The following PRDM1 variants were observed in gnomAD, a reference collection of about 807,000 sequenced individuals.
PRDM1 encodes PR domain zinc finger protein 1.
A neutral mutation model predicts 62.8 loss-of-function variants in PRDM1; 13 were observed. The ratio of observed to expected loss-of-function variants is 0.21; its 90% CI spans 0.13 to 0.33. The LOEUF is 0.33. Among genes scored for constraint, PRDM1 ranks in the 10% least tolerant of loss-of-function variants. PRDM1 has a pLI of 1.00. For synonymous variants in PRDM1, 396 were observed against 417.6 expected (o/e 0.95, Z 0.63); for missense variants, 895 against 1,058.8 (o/e 0.85, Z 2.15).
In PRDM1 at chr6:106,099,397, A is replaced by T; in HGVS notation, c.509A>T (p.Glu170Val). The change falls in exon 4 of 7, where the codon GAG (glutamate) becomes GTG (valine). Residue 170 changes from glutamate to valine, a missense_variant. This residue lies in a region of PRDM1 where 213 missense variants were observed against 283.9 expected (regional missense o/e 0.75). Coordinates refer to ENST00000369096, the MANE Select transcript of PRDM1 (RefSeq NM_001198.4). ...RYVNPAHSPR[E>V]QNLAACQNGM... ...GTGAATCCAGCACACTCTCCCCGGG[A>T]GCAAAACCTGGCTGCGTGTCAGAAC... 1 of 1,614,170 alleles carries T rather than the reference A, an allele frequency of 6.2e-7. No homozygotes were observed. The highest frequency in any genetic ancestry group is 8.5e-7 in the Non-Finnish European group (1 of 1,180,032).
intron 2 of PRDM1, among the ~76,000 whole-genome samples, chr6:106,090,007 C>T (rs866149304): frequency 5.3e-5 from 8 of 152,140 alleles, no homozygotes; most frequent in Non-Finnish European, 7.3e-5. Context: ...TTTCAATTTC[C>T]GTCATTCTCC....
In PRDM1 at chr6:106,106,037, C is replaced by T; in HGVS notation, c.1773+104C>T. The T allele has an allele frequency of 1.4e-6, 2 of 1,469,068 alleles. No individual in the cohort carries two copies. Among genetic ancestry groups the T allele is most frequent in the Non-Finnish European group, 9.1e-7 (1 of 1,103,014 alleles). 91.0% of individuals were successfully genotyped at this position (1,469,068 alleles called of 1,614,324 possible). A position where few individuals can be genotyped will look rare whatever the true frequency, so the allele number is the denominator to read the frequency against. ...TCGATTGCATTTGCAGTAGTATGAG[C>T]CCCCGGTTGGGGATAGTGGGTATGG... On this transcript the variant is annotated intron_variant, in intron 5 of 6. Coordinates refer to ENST00000369096, the MANE Select transcript of PRDM1 (RefSeq NM_001198.4). The surrounding 1 kb of genome is among the most constrained non-coding windows in gnomAD (Gnocchi z 4.4).
chr6:106,052,697 G>A (rs546925504), intron 1 of PRDM1, among the ~76,000 whole-genome samples: 5 of 152,212 alleles, frequency 3.3e-5, no homozygotes, highest in Admixed American at 2.6e-4. Flanking sequence ...CATGCCGGGC[G>A]TGGGGTGGCT....
intron 1 of PRDM1, among the ~76,000 whole-genome samples, chr6:106,069,261 T>C (rs1383159555): frequency 6.6e-6 from 1 of 152,080 alleles, no homozygotes; most frequent in East Asian, 1.9e-4. Context: ...AATGTCTAGG[T>C]TTAAAATAAA....
intron 1 of PRDM1, among the ~76,000 whole-genome samples, chr6:106,025,939 A>G (rs117386932): frequency 2.1e-4 from 32 of 152,344 alleles, no homozygotes; most frequent in Non-Finnish European, 3.8e-4. Flanking sequence ...CTGAAATTAA[A>G]TGAAACATTA....
chr6:106,060,920 G>A (rs986067205), intron 1 of PRDM1, among the ~76,000 whole-genome samples: 1 of 152,212 alleles, frequency 6.6e-6, no homozygotes, highest in East Asian at 1.9e-4. Flanking sequence ...CATCAAGGGG[G>A]ATAGACCAGG....
Position 106,088,181 on chromosome 6 carries a change from G to C in PRDM1, c.43-20G>C. 1.3e-6 allele frequency: 2 copies of C among 1,572,888 alleles called. No individual in the cohort carries two copies. Among genetic ancestry groups the C allele is most frequent in the South Asian group, 2.3e-5 (2 of 87,146 alleles). ...AACGGCGGGACAATGGGGATTAAAG[G>C]CCTTTCCTTTCTCTTCCAGGCTGCC... On this transcript the variant is annotated intron_variant, in intron 1 of 6. Coordinates refer to ENST00000369096, the MANE Select transcript of PRDM1 (RefSeq NM_001198.4).
At chr6:106,077,772 T>C (rs1773626944) in intron 1 of PRDM1, among the ~76,000 whole-genome samples, 1 of 152,248 alleles carries the variant, frequency 6.6e-6, no homozygotes, top group Admixed American at 6.5e-5. Context: ...CTTTTCTTTG[T>C]CTGGCAGAAC....
At chr6:106,051,384 C>T (rs1773171732) in intron 1 of PRDM1, among the ~76,000 whole-genome samples, 1 of 152,214 alleles carries the variant, frequency 6.6e-6, no homozygotes, top group Non-Finnish European at 1.5e-5. Flanking sequence ...CTTCCCCAAA[C>T]TAGGAGAGTG....
intron 2 of PRDM1, 82 bp downstream of exon 2, chr6:106,088,531 T>A: frequency 6.9e-7 from 1 of 1,457,320 alleles, no homozygotes; most frequent in Non-Finnish European, 9.5e-7. Context: ...TGTATATCTC[T>A]GAAAACCTCT....
At position 106,105,244 on chromosome 6, in the gene PRDM1, C is replaced by T. The variant is rs758582260; in HGVS notation, c.1084C>T (p.Pro362Ser). ...CAGCAGCCCTGGGAATACGGTGTCC[C>T]CTGTGGGCCCCGGCTCTCAAGAGCA... is the stretch of plus-strand genomic sequence containing the variant. ...PHSSPGNTVS[P>S]VGPGSQEHRD... is the part of the protein sequence containing the mutation. The change falls in exon 5 of 7, where the codon CCT becomes TCT. Residue 362 changes from proline to serine, a missense_variant. Coordinates refer to ENST00000369096, the MANE Select transcript of PRDM1 (RefSeq NM_001198.4). 1 of 1,613,824 alleles carries T rather than the reference C, an allele frequency of 6.2e-7. No individual in the cohort carries two copies. Among genetic ancestry groups the T allele is most frequent in the Non-Finnish European group, 8.5e-7 (1 of 1,179,998 alleles).
At chr6:105,998,262 A>C (rs531065449) in intron 1 of PRDM1, among the ~76,000 whole-genome samples, 20 of 152,240 alleles carry the variant, frequency 1.3e-4, no homozygotes, top group Admixed American at 1.3e-3. Context: ...AATTGAAAGG[A>C]TACTTTAAGC....
chr6:106,022,857 T>C (rs546701668), intron 1 of PRDM1, among the ~76,000 whole-genome samples: 46 of 152,316 alleles, frequency 3.0e-4, no homozygotes, highest in African/African-American at 1.1e-3. Flanking sequence ...TGCCCGGCCA[T>C]AAATGAAATA....
rs1736834648 is a variant in PRDM1 at position 106,106,837 on chromosome 6, C to T, written c.1903-74C>T. 9 of 1,464,290 alleles carry T rather than the reference C, an allele frequency of 6.1e-6. No homozygotes were observed. The highest frequency in any genetic ancestry group is 8.3e-6 in the Non-Finnish European group (9 of 1,077,870). 90.7% of individuals were successfully genotyped at this position (1,464,290 alleles called of 1,614,324 possible). On this transcript the variant is annotated intron_variant, in intron 6 of 6. Coordinates refer to ENST00000369096, the MANE Select transcript of PRDM1 (RefSeq NM_001198.4). The surrounding 1 kb of genome is among the most constrained non-coding windows in gnomAD (Gnocchi z 4.4). ...CTGGGCGTTGGCCGGTAAGCCTGCCCCTCCCGTTGGCAACTCTTAATCTTC... is the reference window on the plus strand; with the variant it reads ...CTGGGCGTTGGCCGGTAAGCCTGCCTCTCCCGTTGGCAACTCTTAATCTTC...
chr6:106,060,705 A>C (rs1162868455), intron 1 of PRDM1, among the ~76,000 whole-genome samples: 2 of 152,058 alleles, frequency 1.3e-5, no homozygotes, highest in Non-Finnish European at 2.9e-5. Flanking sequence ...AAAGCAGTAA[A>C]AACGTGCTGG....
intron 1 of PRDM1, among the ~76,000 whole-genome samples, chr6:106,075,675 G>C (rs1017010414): frequency 1.3e-5 from 2 of 152,166 alleles, no homozygotes; most frequent in Non-Finnish European, 2.9e-5. Context: ...ACTTTTAATA[G>C]AGTGTAGACT....
At chr6:105,997,275 A>AT (rs1028496329) in intron 1 of PRDM1, among the ~76,000 whole-genome samples, 17 of 151,534 alleles carry the variant, frequency 1.1e-4, no homozygotes, top group African/African-American at 2.7e-4. Context: ...CTGTTGAATG[A>AT]TTTTTTTTTA....
chr6:106,077,523 G>A (rs1773623378), intron 1 of PRDM1, among the ~76,000 whole-genome samples: 1 of 152,240 alleles, frequency 6.6e-6, no homozygotes, highest in African/African-American at 2.4e-5. Context: ...CAGCAACTCT[G>A]TAGCAATACA....
intron 1 of PRDM1, among the ~76,000 whole-genome samples, chr6:106,009,771 G>A (rs1323130804): frequency 6.6e-6 from 1 of 152,080 alleles, no homozygotes; most frequent in Non-Finnish European, 1.5e-5. Flanking sequence ...AGGCTGGAGT[G>A]CAGTGGCATG....
Sources: gnomAD v4.1 joint callset for allele counts (sites outside exome capture counted in the v4.1 genomes callset) on GRCh38, gnomAD v4.1.1 for gene constraint, gnomAD v4.1.1 regional missense constraint, Gnocchi (gnomAD v3.1) non-coding constraint, MANE v1.5 for transcripts, NCBI Gene and HGNC (gene_info 2026-07-23, HGNC 2026-07-21) for gene names.